ARID1B: variants seen among roughly 807,000 people sequenced by gnomAD.
The protein encoded by ARID1B is AT-rich interactive domain-containing protein 1B.
A neutral mutation model predicts 212.3 loss-of-function variants in ARID1B; 30 were observed. That is an observed-to-expected ratio of 0.14 (90% CI 0.11 to 0.19). The LOEUF (loss-of-function observed/expected upper bound fraction) is 0.19, where lower values mean the gene tolerates loss of function less well. Among genes scored for constraint, ARID1B ranks in the 10% least tolerant of loss-of-function variants. The pLI is 1.00. For missense variants in ARID1B, 2,891 were observed against 3,204.0 expected, an observed-to-expected ratio of 0.90 and a Z score of 2.36; for synonymous variants, 1,402 against 1,301.7, an observed-to-expected ratio of 1.08 and a Z score of -1.66.
rs117859790 is a variant in ARID1B, at chr6:156,929,762, C to T, written c.2137-5704C>T. Among the ~76,000 whole-genome samples, 25 of 152,296 alleles carry T rather than the reference C, an allele frequency of 1.6e-4. No individual in the cohort carries two copies. In the East Asian group the frequency reaches 2.7e-3, roughly 16 times the overall value. ...CTGTTGCATTTTGTTTCTGACCTGA[C>T]GCTCTTTGTTGGATTTTGCTGGCAT... is the stretch of plus-strand genomic sequence containing the variant. On this transcript the variant is annotated intron_variant, in intron 3 of 19. Coordinates refer to ENST00000636930, the MANE Select transcript of ARID1B (RefSeq NM_001374828.1).
At chr6:157,154,848 T>G (rs1040474662) in intron 8 of ARID1B, among the ~76,000 whole-genome samples, 5 of 152,208 alleles carry the variant, frequency 3.3e-5, no homozygotes, top group African/African-American at 1.2e-4. Flanking sequence ...CCCAAAGTGC[T>G]GGGATTACAG....
chr6:156,778,501 A>C lies in ARID1B; in HGVS notation c.821A>C (p.Lys274Thr). The change falls in exon 1 of 20, where the codon AAG (lysine) becomes ACG (threonine). Residue 274 changes from lysine to threonine, a missense_variant. By Grantham distance (78) the Lys-to-Thr change is moderately conservative. This residue lies in a region of ARID1B where 1,643 missense variants were observed against 1,544.0 expected (regional missense o/e 1.06). Coordinates refer to ENST00000636930, the MANE Select transcript of ARID1B (RefSeq NM_001374828.1). Reference protein sequence around the residue: ...KPGDEDDAPPKMGEPAGGRYE... With the variant: ...KPGDEDDAPPTMGEPAGGRYE... ...GGCGACGAGGACGACGCGCCGCCCAAGATGGGGGAGCCGGCGGGCGGCCGC... is the reference window on the plus strand; with the variant it reads ...GGCGACGAGGACGACGCGCCGCCCACGATGGGGGAGCCGGCGGGCGGCCGC... 1 of 1,250,040 alleles carries C rather than the reference A, an allele frequency of 8.0e-7. No individual in the cohort carries two copies. Among genetic ancestry groups the C allele is most frequent in the African/African-American group, 1.6e-5 (1 of 63,880 alleles). The allele number at this position is 1,250,040 out of a possible 1,614,324, so 77.4% of individuals were successfully genotyped here. A position where few individuals can be genotyped will look rare whatever the true frequency, so the allele number is the denominator to read the frequency against.
chr6:156,856,101 A>G (rs1050403618), intron 2 of ARID1B, among the ~76,000 whole-genome samples: 3 of 152,210 alleles, frequency 2.0e-5, no homozygotes, highest in Non-Finnish European at 4.4e-5. Flanking sequence ...TGAGGACAAC[A>G]TGTGTTCCTA....
At chr6:157,153,767 T>C (rs757651012) in intron 8 of ARID1B, among the ~76,000 whole-genome samples, 2 of 152,142 alleles carry the variant, frequency 1.3e-5, no homozygotes, top group Non-Finnish European at 2.9e-5. Flanking sequence ...TCCCAAGTAG[T>C]TGGTACTACA....
intron 4 of ARID1B, among the ~76,000 whole-genome samples, chr6:156,975,833 G>A (rs188787864): frequency 1.3e-5 from 2 of 151,966 alleles, no homozygotes; most frequent in African/African-American, 2.4e-5. Context: ...CAAGCTTTAC[G>A]TGAACAGTAA....
chr6:157,073,177 A>G (rs1194449003), intron 4 of ARID1B, among the ~76,000 whole-genome samples: 1 of 144,178 alleles, frequency 6.9e-6, no homozygotes, highest in Non-Finnish European at 1.5e-5. Context: ...ATCTCGGCTC[A>G]CTGCAACCTC....
chr6:157,009,254 G>A (rs1583135291), intron 4 of ARID1B, among the ~76,000 whole-genome samples: 1 of 152,164 alleles, frequency 6.6e-6, no homozygotes, highest in Non-Finnish European at 1.5e-5. Context: ...GTAAAATGGA[G>A]GTGCAGTAAG....
chr6:157,173,834 G>A (rs750906363), intron 9 of ARID1B, 174 bp from the exon 10 acceptor site: 55 of 545,728 alleles, frequency 1.0e-4, no homozygotes, highest in Admixed American at 7.1e-4. Context: ...GCCAGAATGC[G>A]GTGCTGTTTG....
chr6:157,127,172 C>T (rs1325284160), intron 6 of ARID1B, among the ~76,000 whole-genome samples: 5 of 152,156 alleles, frequency 3.3e-5, no homozygotes, highest in South Asian at 4.2e-4. Flanking sequence ...ACGTTTAAAC[C>T]AGAATCATAG....
At chr6:157,194,651 G>A (rs1489783761) in intron 15 of ARID1B, 1 of 152,112 alleles carries the variant, frequency 6.6e-6, no homozygotes, top group Non-Finnish European at 1.5e-5. Context: ...ATCCCATCTT[G>A]AGCTATTCTT....
At position 156,910,960 on chromosome 6, in the gene ARID1B, G is replaced by A. The variant is rs149908577; in HGVS notation, c.2136+9435G>A. On this transcript the variant is annotated intron_variant, in intron 3 of 19. Coordinates refer to ENST00000636930, the MANE Select transcript of ARID1B (RefSeq NM_001374828.1). ...AAGGCACTAACTATATATGGAAAAT[G>A]AAAAGAAAGAAGTATATAATAAAGT... is the stretch of plus-strand genomic sequence containing the variant. Among the ~76,000 whole-genome samples, 884 of 152,246 alleles carry A rather than the reference G, an allele frequency of 5.8e-3. 3 individuals are homozygous for A. The highest frequency in any genetic ancestry group is 8.5e-3 in the Non-Finnish European group (579 of 68,004).
At chr6:157,104,210 A>C (rs1005206450) in intron 5 of ARID1B, among the ~76,000 whole-genome samples, 2 of 152,182 alleles carry the variant, frequency 1.3e-5, no homozygotes, top group African/African-American at 4.8e-5. Flanking sequence ...AAAACTCAAC[A>C]CCCAGTTATG....
intron 5 of ARID1B, among the ~76,000 whole-genome samples, chr6:157,101,573 G>A (rs1368074125): frequency 1.3e-5 from 2 of 151,742 alleles, no homozygotes; most frequent in Non-Finnish European, 2.9e-5. Context: ...ATTATAAAAA[G>A]CCAATCTTCT....
chr6:156,813,223 C>A (rs1304634506), intron 1 of ARID1B, among the ~76,000 whole-genome samples: 1 of 151,136 alleles, frequency 6.6e-6, no homozygotes, highest in African/African-American at 2.4e-5. Flanking sequence ...CCTGACTCAG[C>A]CTCCCGAGTA....
In ARID1B at chr6:156,778,986, G is replaced by A. The variant is rs2114992755; in HGVS notation, c.1306G>A (p.Gly436Ser). 13 of 1,272,752 alleles carry A rather than the reference G, an allele frequency of 1.0e-5. No homozygotes were observed. The highest frequency in any genetic ancestry group is 9.8e-6 in the Non-Finnish European group (10 of 1,020,098). 78.8% of individuals were successfully genotyped at this position (1,272,752 alleles called of 1,614,324 possible). Residue 436 changes from glycine to serine, a missense_variant, in exon 1 of 20, where the codon GGC becomes AGC. Transcript: ENST00000636930. Reference protein sequence around the residue: ...AAAAAAAAGGGGGGGYGGSSA... With the variant: ...AAAAAAAAGGSGGGGYGGSSA... ...GGCGGCGGCGGCAGCAGCAGGAGGCGGCGGCGGCGGCGGCTATGGGGGCTC... is the reference window on the plus strand; with the variant it reads ...GGCGGCGGCGGCAGCAGCAGGAGGCAGCGGCGGCGGCGGCTATGGGGGCTC...
At chr6:157,010,278 GTTTTTTTTTTTTT>G (rs367851681) in intron 4 of ARID1B, among the ~76,000 whole-genome samples, 3 of 102,246 alleles carry the variant, frequency 2.9e-5, no homozygotes, top group Admixed American at 2.0e-4. Context: ...TGCATTGCCT[GTTTTTTTTTTTTT>G]TTTTTTTTTT....
chr6:156,983,304 A>G (rs960822939), intron 4 of ARID1B, among the ~76,000 whole-genome samples: 3 of 152,090 alleles, frequency 2.0e-5, no homozygotes, highest in African/African-American at 7.2e-5. Flanking sequence ...CTGAGACAGG[A>G]GAATCGCTTG....
At chr6:156,860,800 A>G in intron 2 of ARID1B, among the ~76,000 whole-genome samples, 1 of 152,238 alleles carries the variant, frequency 6.6e-6, no homozygotes, top group African/African-American at 2.4e-5. Context: ...AGGACATAGA[A>G]CTTAAAACAG....
intron 1 of ARID1B, among the ~76,000 whole-genome samples, chr6:156,785,242 T>G (rs954332029): frequency 2.6e-5 from 4 of 152,216 alleles, no homozygotes; most frequent in African/African-American, 4.8e-5. Context: ...TAAGCCTATC[T>G]GGTTTATGAA....
Sources: gnomAD v4.1 joint callset for allele counts (sites outside exome capture counted in the v4.1 genomes callset) on GRCh38, gnomAD v4.1.1 for gene constraint, gnomAD v4.1.1 regional missense constraint, MANE v1.5 for transcripts, NCBI Gene and HGNC (gene_info 2026-07-23, HGNC 2026-07-21) for gene names.